The following MINDY3 variants were observed in gnomAD, a reference collection of about 807,000 sequenced individuals.
The protein encoded by MINDY3 is ubiquitin carboxyl-terminal hydrolase MINDY-3.
In MINDY3, 38 loss-of-function variants were observed where a neutral mutation model predicts 69.2. The ratio of observed to expected loss-of-function variants is 0.55; its 90% CI spans 0.42 to 0.72. The LOEUF (loss-of-function observed/expected upper bound fraction) is 0.72. Ranked by LOEUF, MINDY3 falls within the 30% of genes least tolerant of loss-of-function variation. The probability of loss-of-function intolerance (pLI) is 0.00; values close to 1 mark genes in which losing one functional copy is unlikely to be tolerated. For synonymous variants in MINDY3, 192 were observed against 180.1 expected (o/e 1.07, Z -0.53); for missense variants, 522 against 519.0 (o/e 1.01, Z -0.06).
intron 13 of MINDY3, among the ~76,000 whole-genome samples, chr10:15,782,928 G>A: frequency 6.6e-6 from 1 of 152,174 alleles, no homozygotes; most frequent in East Asian, 1.9e-4. Context: ...CTCTTAACCT[G>A]GCGTTCAAGG....
At chr10:15,833,210 G>A (rs1266060372) in intron 8 of MINDY3, among the ~76,000 whole-genome samples, 2 of 152,140 alleles carry the variant, frequency 1.3e-5, no homozygotes, top group Non-Finnish European at 2.9e-5. Flanking sequence ...AAATTTGCTC[G>A]GTGTTTTAAA....
chr10:15,823,484 A>T (rs974840815), intron 8 of MINDY3, among the ~76,000 whole-genome samples: 1 of 152,206 alleles, frequency 6.6e-6, no homozygotes. Flanking sequence ...GGGATTTGCA[A>T]AAATTTAAAA....
chr10:15,801,958 C>A (rs1419020906), intron 10 of MINDY3, among the ~76,000 whole-genome samples: 1 of 151,526 alleles, frequency 6.6e-6, no homozygotes, highest in South Asian at 2.1e-4. Flanking sequence ...CAGTGCTGGA[C>A]AATGAGGAAG....
intron 1 of MINDY3, among the ~76,000 whole-genome samples, chr10:15,851,761 T>C (rs1357552780): frequency 6.6e-6 from 1 of 152,112 alleles, no homozygotes; most frequent in Admixed American, 6.5e-5. Context: ...AGAAAGTATT[T>C]TAGAAATGGA....
intron 2 of MINDY3, 41 bp from the exon 3 acceptor site, chr10:15,843,313 A>G: frequency 7.0e-7 from 1 of 1,431,624 alleles, no homozygotes; most frequent in Non-Finnish European, 9.8e-7. Flanking sequence ...ATGCATTATA[A>G]CCATACATCA....
intron 1 of MINDY3, among the ~76,000 whole-genome samples, chr10:15,850,516 G>A (rs561818428): frequency 3.3e-4 from 51 of 152,244 alleles, no homozygotes; most frequent in African/African-American, 9.6e-4. Context: ...ATGGCCGCTC[G>A]GGGAGTGTCT....
At chr10:15,794,217 T>C (rs1837637921) in intron 11 of MINDY3, among the ~76,000 whole-genome samples, 1 of 152,124 alleles carries the variant, frequency 6.6e-6, no homozygotes, top group African/African-American at 2.4e-5. Context: ...ATGGAAACTG[T>C]ATGTAAATGC....
At chr10:15,788,738 AGAAAATACT>A (rs1272688752) in intron 12 of MINDY3, 1 of 152,468 alleles carries the variant, frequency 6.6e-6, no homozygotes, top group African/African-American at 2.4e-5. Context: ...CAGGATCCTA[AGAAAATACT>A]GAAAAACGAT....
chr10:15,852,120 C>G (rs1564533838), intron 1 of MINDY3, among the ~76,000 whole-genome samples: 1 of 152,194 alleles, frequency 6.6e-6, no homozygotes, highest in Admixed American at 6.5e-5. Context: ...CATCCCCTAG[C>G]ACAACCAGTA....
At chr10:15,788,939 T>A (rs75054458) in intron 12 of MINDY3, 5,529 of 219,704 alleles carry the variant, frequency 0.025, 285 homozygotes, top group African/African-American at 0.11. Flanking sequence ...AAGATACTAA[T>A]GTCACATAAA....
At chr10:15,819,111 C>T (rs371839366) in intron 9 of MINDY3, among the ~76,000 whole-genome samples, 1 of 152,082 alleles carries the variant, frequency 6.6e-6, no homozygotes, top group African/African-American at 2.4e-5. Context: ...ATTATTTCAT[C>T]ACCTTAATTG....
At chr10:15,850,909 C>T (rs980622210) in intron 1 of MINDY3, among the ~76,000 whole-genome samples, 3 of 152,074 alleles carry the variant, frequency 2.0e-5, no homozygotes, top group Admixed American at 2.0e-4. Context: ...GTACTCTGTC[C>T]CTTTATTTCT....
In MINDY3 at chr10:15,827,222, A is replaced by C. The variant is rs192873580; in HGVS notation, c.731-5496T>G. ...AAGCCCAAATAGAAGCCATCTAAAA[A>C]AAAGACCAAATGATTTAACCTCATA... On this transcript the variant is annotated intron_variant, in intron 8 of 14. Transcript: ENST00000277632. 2.3e-4 allele frequency among the ~76,000 whole-genome samples: 35 copies of C among 151,718 alleles called. 1 individual carries two copies. The East Asian group carries it at 6.6e-3, about 28-fold the overall frequency.
chr10:15,860,372 A>T lies in MINDY3; in HGVS notation c.-73T>A. On this transcript the variant is annotated 5_prime_UTR_variant, in exon 1 of 15. Transcript: ENST00000277632. ...GAACATGGGGAAGGGGCAACTCCGG[A>T]AACAGCAGCTGCGGGACGGCGGCGG... The T allele has an allele frequency of 9.1e-7, 1 of 1,101,336 alleles. No homozygotes were observed. The highest frequency in any genetic ancestry group is 1.4e-6 in the Non-Finnish European group (1 of 738,932). 68.2% of individuals were successfully genotyped at this position (1,101,336 alleles called of 1,614,324 possible). A position where few individuals can be genotyped will look rare whatever the true frequency, so the allele number is the denominator to read the frequency against.
chr10:15,860,015 C>T (rs950102492), intron 1 of MINDY3, among the ~76,000 whole-genome samples, 191 bp downstream of exon 1: 13 of 152,332 alleles, frequency 8.5e-5, no homozygotes, highest in African/African-American at 3.1e-4. Context: ...GCAGCTGTAA[C>T]CATTCTCCTA....
chr10:15,845,518 G>C (rs1275175722), intron 2 of MINDY3, among the ~76,000 whole-genome samples: 7 of 151,540 alleles, frequency 4.6e-5, no homozygotes, highest in Non-Finnish European at 8.8e-5. Flanking sequence ...TTCCTTTTTA[G>C]AAACAGGGTC....
At chr10:15,818,383 G>A (rs1341807780) in intron 9 of MINDY3, among the ~76,000 whole-genome samples, 1 of 151,684 alleles carries the variant, frequency 6.6e-6, no homozygotes, top group East Asian at 1.9e-4. Context: ...CTCATGAAAT[G>A]TTTTGTAATA....
At chr10:15,857,959 G>A (rs776753384) in intron 1 of MINDY3, 98 of 984,436 alleles carry the variant, frequency 1.0e-4, no homozygotes, top group Non-Finnish European at 1.2e-4. Context: ...CTGAAGACAC[G>A]ATCACAGACT....
At chr10:15,857,680 AAAG>A (rs796750301) in intron 1 of MINDY3, among the ~76,000 whole-genome samples, 43 of 152,308 alleles carry the variant, frequency 2.8e-4, no homozygotes, top group African/African-American at 4.8e-4. Context: ...CTGCCCAAAA[AAAG>A]AAGAAGAAAA....
Sources: allele counts gnomAD v4.1 joint callset (sites outside exome capture counted in the v4.1 genomes callset), GRCh38; gene constraint gnomAD v4.1.1; transcripts MANE v1.5; gene names NCBI Gene and HGNC (gene_info 2026-07-23, HGNC 2026-07-21).